Variants in CDH18 observed in about 807,000 individuals in gnomAD.
CDH18 encodes cadherin 18, also known as cadherin-18.
A neutral mutation model predicts 67.9 loss-of-function variants in CDH18; 31 were observed. That is an observed-to-expected ratio of 0.46 (90% confidence interval 0.34 to 0.62). The LOEUF is 0.62. CDH18 is among the 20% of genes least tolerant of loss of function. The probability of loss-of-function intolerance (pLI) is 0.01; values close to 1 mark genes in which losing one functional copy is unlikely to be tolerated. For missense variants in CDH18, 890 were observed against 975.5 expected, an observed-to-expected ratio of 0.91 and a Z score of 1.17; for synonymous variants, 362 against 347.2, an observed-to-expected ratio of 1.04 and a Z score of -0.48.
intron 3 of CDH18, among the ~76,000 whole-genome samples, chr5:19,760,876 AGTTT>A (rs1332689407): frequency 6.6e-6 from 1 of 152,060 alleles, no homozygotes; most frequent in Admixed American, 6.6e-5. Context: ...GGCAGCACAG[AGTTT>A]ATGTTCTCAG....
intron 4 of CDH18, among the ~76,000 whole-genome samples, chr5:19,735,563 T>A (rs1259905752): frequency 2.6e-5 from 4 of 151,828 alleles, no homozygotes; most frequent in Non-Finnish European, 5.9e-5. Flanking sequence ...GCCCGGCTAA[T>A]TGTTTGTATT....
chr5:20,222,457 C>T (rs1218281529), intron 2 of CDH18, among the ~76,000 whole-genome samples: 1 of 152,118 alleles, frequency 6.6e-6, no homozygotes, highest in African/African-American at 2.4e-5. Flanking sequence ...GTAGGATTTT[C>T]ATCCAGGAAG....
intron 5 of CDH18, among the ~76,000 whole-genome samples, chr5:19,680,070 T>C (rs1395906297): frequency 6.6e-6 from 1 of 152,036 alleles, no homozygotes; most frequent in Non-Finnish European, 1.5e-5. Context: ...CAAAACTGTA[T>C]GGTAATGTTA....
At chr5:20,346,051 A>T (rs1446456632) in intron 1 of CDH18, among the ~76,000 whole-genome samples, 1 of 152,128 alleles carries the variant, frequency 6.6e-6, no homozygotes, top group Non-Finnish European at 1.5e-5. Context: ...TCACTTTCCT[A>T]AATGTTTCCA....
intron 1 of CDH18, among the ~76,000 whole-genome samples, chr5:20,374,258 G>C (rs1182600032): frequency 2.0e-5 from 3 of 152,196 alleles, no homozygotes; most frequent in Non-Finnish European, 4.4e-5. Flanking sequence ...CGGCAGAAGA[G>C]AGAAAGCAAA....
At chr5:20,486,530 A>C (rs1753188965) in intron 1 of CDH18, among the ~76,000 whole-genome samples, 1 of 152,054 alleles carries the variant, frequency 6.6e-6, no homozygotes, top group Admixed American at 6.6e-5. Flanking sequence ...TGACCAAACC[A>C]AAATAAGATT....
At chr5:19,863,462 T>A (rs1433926429) in intron 2 of CDH18, among the ~76,000 whole-genome samples, 1 of 152,186 alleles carries the variant, frequency 6.6e-6, no homozygotes, top group Non-Finnish European at 1.5e-5. Context: ...ATATCTAGAT[T>A]GTCAGTATTC....
chr5:19,646,368 C>G (rs1419217130), intron 5 of CDH18, among the ~76,000 whole-genome samples: 5 of 152,094 alleles, frequency 3.3e-5, no homozygotes, highest in Non-Finnish European at 7.4e-5. Context: ...TGGAGTCTCT[C>G]TCACTCTGTC....
chr5:19,802,024 C>G (rs530248605), intron 3 of CDH18, among the ~76,000 whole-genome samples: 2 of 152,136 alleles, frequency 1.3e-5, no homozygotes, highest in East Asian at 3.9e-4. Flanking sequence ...AAAGAACAAG[C>G]ATAACAATGA....
intron 2 of CDH18, among the ~76,000 whole-genome samples, chr5:20,111,311 G>A (rs925867735): frequency 1.3e-5 from 2 of 151,988 alleles, no homozygotes; most frequent in Non-Finnish European, 2.9e-5. Flanking sequence ...ATGAAGAAAG[G>A]CTCAGTAGGG....
rs1769702187 is a variant in CDH18 at position 19,744,515 on chromosome 5, C to CACAA, written c.523+2426_523+2427insTTGT. Among the ~76,000 whole-genome samples, 2 of 151,524 alleles carry CACAA rather than the reference C, an allele frequency of 1.3e-5. 1 individual carries two copies. Among genetic ancestry groups the CACAA allele is most frequent in the South Asian group, 4.2e-4 (2 of 4,786 alleles). ...TATTAACTCAGTGTACACACACACA[C>CACAA]ACACACACACACACACACACACACA... On this transcript the variant is annotated intron_variant, in intron 4 of 12. Coordinates refer to ENST00000382275, the MANE Select transcript of CDH18 (RefSeq NM_004934.5).
In CDH18 at chr5:20,555,408, C is replaced by CTTT. The variant is rs774396694; in HGVS notation, c.-580+20051_-580+20053dup. Among the ~76,000 whole-genome samples, 402 of 103,592 alleles carry CTTT rather than the reference C, an allele frequency of 3.9e-3. 12 individuals are homozygous for CTTT. The highest frequency in any genetic ancestry group is 6.5e-3 in the African/African-American group (159 of 24,344). 68.0% of individuals were successfully genotyped at this position (103,592 alleles called of 152,430 possible). A position where few individuals can be genotyped will look rare whatever the true frequency, so the allele number is the denominator to read the frequency against. ...GCCAGAACCACCAAGACAAGCTTTT[C>CTTT]TTTTTTTTTTTTTTTTTTTTTTTTT... On this transcript the variant is annotated intron_variant, in intron 1 of 14. Coordinates refer to the CDH18 transcript ENST00000507958.
intron 2 of CDH18, among the ~76,000 whole-genome samples, chr5:19,913,952 T>C (rs1445838389): frequency 6.6e-6 from 1 of 151,872 alleles, no homozygotes; most frequent in East Asian, 1.9e-4. Context: ...AAAAATAATA[T>C]AGAAACAATG....
chr5:19,851,764 T>G (rs1216817362), intron 2 of CDH18, among the ~76,000 whole-genome samples: 2 of 151,930 alleles, frequency 1.3e-5, no homozygotes, highest in Non-Finnish European at 2.9e-5. Flanking sequence ...TGTGTGTGTG[T>G]GTGTATATAT....
chr5:19,958,293 T>C (rs1342512459), intron 2 of CDH18, among the ~76,000 whole-genome samples: 1 of 146,524 alleles, frequency 6.8e-6, no homozygotes, highest in Non-Finnish European at 1.5e-5. Flanking sequence ...AACAAACATA[T>C]AAACTTGTAT....
chr5:20,332,796 CG>C (rs1464109519), intron 1 of CDH18, among the ~76,000 whole-genome samples: 1 of 152,068 alleles, frequency 6.6e-6, no homozygotes, highest in African/African-American at 2.4e-5. Context: ...TTCAGGGTTA[CG>C]GGTGGCTGAA....
At chr5:19,924,536 G>A (rs1402640124) in intron 2 of CDH18, among the ~76,000 whole-genome samples, 1 of 152,088 alleles carries the variant, frequency 6.6e-6, no homozygotes, top group African/African-American at 2.4e-5. Flanking sequence ...TGAGGTGGGA[G>A]GATCACTTGA....
intron 5 of CDH18, among the ~76,000 whole-genome samples, chr5:19,666,474 T>A (rs781576127): frequency 2.6e-5 from 4 of 151,820 alleles, no homozygotes; most frequent in Non-Finnish European, 5.9e-5. Context: ...CATCTCCTGA[T>A]GTCCATCCTG....
At chr5:19,920,616 C>T (rs1333237234) in intron 2 of CDH18, among the ~76,000 whole-genome samples, 4 of 148,862 alleles carry the variant, frequency 2.7e-5, no homozygotes, top group Non-Finnish European at 4.4e-5. Flanking sequence ...TGGTTTCAAA[C>T]GATTCTCCTG....
Sources: allele counts gnomAD v4.1 joint callset (sites outside exome capture counted in the v4.1 genomes callset), GRCh38; gene constraint gnomAD v4.1.1; transcripts MANE v1.5; gene names NCBI Gene and HGNC (gene_info 2026-07-23, HGNC 2026-07-21).